Variants in PCCA observed in about 807,000 individuals in gnomAD.
The protein encoded by PCCA is propionyl-CoA carboxylase alpha chain, mitochondrial.
Under a neutral mutation model 101.3 loss-of-function variants are expected in PCCA, and 74 were observed. The observed-to-expected ratio is 0.73, with a 90% CI of 0.61 to 0.89. PCCA has a LOEUF of 0.89. Among genes scored for constraint, PCCA ranks in the 40% least tolerant of loss-of-function variants. PCCA has a pLI of 0.00. For synonymous variants in PCCA, 294 were observed against 313.6 expected (o/e 0.94, Z 0.66); for missense variants, 891 against 907.0 (o/e 0.98, Z 0.23).
intron 21 of PCCA, among the ~76,000 whole-genome samples, chr13:100,466,976 G>A (rs985096890): frequency 1.3e-5 from 2 of 152,138 alleles, no homozygotes; most frequent in South Asian, 2.1e-4. Context: ...TAGGTTGGCC[G>A]GGGGACGATC....
intron 19 of PCCA, among the ~76,000 whole-genome samples, chr13:100,411,082 G>A (rs1380663046): frequency 2.0e-5 from 3 of 152,024 alleles, no homozygotes; most frequent in African/African-American, 4.8e-5. Context: ...AGGTATCAAT[G>A]TGAAGTCATT....
chr13:100,122,549 C>G (rs1250012614), intron 4 of PCCA, among the ~76,000 whole-genome samples: 4 of 152,118 alleles, frequency 2.6e-5, no homozygotes, highest in Non-Finnish European at 4.4e-5. Flanking sequence ...TAATCAGTGT[C>G]TGTAGTTTAT....
intron 21 of PCCA, among the ~76,000 whole-genome samples, chr13:100,492,732 C>T (rs1384127093): frequency 6.6e-6 from 1 of 150,600 alleles, no homozygotes; most frequent in African/African-American, 2.4e-5. Flanking sequence ...ACCCCAGGCT[C>T]CACAAGCAGA....
At chr13:100,341,509 G>A (rs138277216) in intron 18 of PCCA, among the ~76,000 whole-genome samples, 141 of 152,104 alleles carry the variant, frequency 9.3e-4, no homozygotes, top group African/African-American at 3.2e-3. Context: ...TACCGGAAAC[G>A]TGGCTACATT....
rs1394612377 is a variant in PCCA, at chr13:100,273,248, C to G, written c.967C>G (p.Leu323Val). 3.1e-6 allele frequency: 5 copies of G among 1,612,104 alleles called. No homozygotes were observed. The highest frequency in any genetic ancestry group is 3.4e-6 in the Non-Finnish European group (4 of 1,178,312). The change falls in exon 12 of 24, where the codon CTT (leucine) becomes GTT (valine). Residue 323 changes from leucine to valine, a missense_variant. Coordinates refer to ENST00000376285, the MANE Select transcript of PCCA (RefSeq NM_000282.4). ...AGCGATGGGAGAACAAGCTGTAGCT[C>G]TTGCCAGAGCAGTAAAATATTCCTC... is the stretch of plus-strand genomic sequence containing the variant. Reference protein sequence around the residue: ...RRAMGEQAVALARAVKYSSAG... With the variant: ...RRAMGEQAVAVARAVKYSSAG...
intron 21 of PCCA, among the ~76,000 whole-genome samples, chr13:100,485,060 A>G (rs2084268204): frequency 6.6e-6 from 1 of 152,006 alleles, no homozygotes; most frequent in Non-Finnish European, 1.5e-5. Context: ...TCTCTCTCAT[A>G]TGAAATGAGT....
intron 21 of PCCA, among the ~76,000 whole-genome samples, chr13:100,485,426 A>G (rs1376416430): frequency 6.6e-6 from 1 of 152,230 alleles, no homozygotes; most frequent in Non-Finnish European, 1.5e-5. Flanking sequence ...GCACAACCAT[A>G]TTATAACAGC....
At chr13:100,215,601 G>A (rs1161151123) in intron 7 of PCCA, among the ~76,000 whole-genome samples, 1 of 151,802 alleles carries the variant, frequency 6.6e-6, no homozygotes, top group Admixed American at 6.6e-5. Flanking sequence ...TATATCCTAC[G>A]CTCATCCTTC....
At position 100,371,209 on chromosome 13, in the gene PCCA, C is replaced by T. The variant is rs143049272; in HGVS notation, c.1746+2635C>T. On this transcript the variant is annotated intron_variant, in intron 19 of 23. Coordinates refer to ENST00000376285, the MANE Select transcript of PCCA (RefSeq NM_000282.4). ...GTATGTGTTGTTAAGACTTTTGGTACAGATGTATACACCACAATAATGGTA... is the reference window on the plus strand; with the variant it reads ...GTATGTGTTGTTAAGACTTTTGGTATAGATGTATACACCACAATAATGGTA... Among the ~76,000 whole-genome samples the T allele has an allele frequency of 9.2e-5, 14 of 152,182 alleles. No individual in the cohort carries two copies. In the East Asian group the frequency reaches 2.7e-3, roughly 29 times the overall value.
At chr13:100,403,974 C>T (rs569541709) in intron 19 of PCCA, among the ~76,000 whole-genome samples, 7 of 152,228 alleles carry the variant, frequency 4.6e-5, no homozygotes, top group Non-Finnish European at 7.4e-5. Context: ...CATTAGAATA[C>T]GGATAAGGAC....
chr13:100,273,290 T>A lies in PCCA; in HGVS notation c.1009T>A (p.Phe337Ile), dbSNP rs995531353. The change falls in exon 12 of 24, where the codon TTC (phenylalanine) becomes ATC (isoleucine). Residue 337 changes from phenylalanine to isoleucine, a missense_variant. Phe to Ile is a conservative substitution (Grantham distance 21, BLOSUM62 0). Coordinates refer to ENST00000376285, the MANE Select transcript of PCCA (RefSeq NM_000282.4). ...ATATTCCTCTGCTGGGACCGTGGAG[T>A]TCCTTGTGGACTCTAAGAAGAATTT... is the stretch of plus-strand genomic sequence containing the variant. ...VKYSSAGTVE[F>I]LVDSKKNFYF... 2.5e-6 allele frequency: 4 copies of A among 1,612,388 alleles called. No homozygotes were observed. The highest frequency in any genetic ancestry group is 1.3e-5 in the African/African-American group (1 of 74,876).
At chr13:100,161,744 TG>T (rs2054501652) in intron 6 of PCCA, 1 of 152,192 alleles carries the variant, frequency 6.6e-6, no homozygotes. Context: ...TTTCACTATA[TG>T]GGCTATAATC....
chr13:100,516,623 G>A (rs2086842410), intron 22 of PCCA, among the ~76,000 whole-genome samples: 1 of 152,184 alleles, frequency 6.6e-6, no homozygotes, highest in Admixed American at 6.5e-5. Flanking sequence ...GAGGCTACGT[G>A]GCTGTGAATT....
intron 8 of PCCA, among the ~76,000 whole-genome samples, chr13:100,248,113 G>A (rs1314563435): frequency 2.0e-5 from 3 of 152,042 alleles, no homozygotes; most frequent in African/African-American, 7.2e-5. Context: ...ATTTGGACTG[G>A]ATTTTTATTT....
intron 19 of PCCA, among the ~76,000 whole-genome samples, chr13:100,379,552 G>A (rs538639086): frequency 9.9e-4 from 151 of 152,282 alleles, no homozygotes; most frequent in South Asian, 5.0e-3. Flanking sequence ...CTGTTCTCAC[G>A]CTGCTAATGA....
chr13:100,485,323 C>T (rs2084287425), intron 21 of PCCA, among the ~76,000 whole-genome samples: 1 of 152,216 alleles, frequency 6.6e-6, no homozygotes, highest in Non-Finnish European at 1.5e-5. Context: ...TTGCCTAGAA[C>T]CACTTAGCTG....
At position 100,234,474 on chromosome 13, in the gene PCCA, TAA is replaced by T. The variant is rs35693167; in HGVS notation, c.601-1354_601-1353del. On this transcript the variant is annotated intron_variant, in intron 7 of 23. Coordinates refer to ENST00000376285, the MANE Select transcript of PCCA (RefSeq NM_000282.4). ...CATTAGCAGATGTGACTGCTTGGAG[TAA>T]AAAAAAAAAAAAACAACTTAAAACT... Among the ~76,000 whole-genome samples the T allele has an allele frequency of 6.5e-4, 89 of 136,468 alleles. 1 individual carries two copies. The highest frequency in any genetic ancestry group is 1.6e-3 in the Admixed American group (22 of 13,630). The allele number at this position is 136,468 out of a possible 152,430, so 89.5% of individuals were successfully genotyped here.
intron 7 of PCCA, among the ~76,000 whole-genome samples, chr13:100,226,371 G>A (rs2060141893): frequency 6.6e-6 from 1 of 152,114 alleles, no homozygotes; most frequent in African/African-American, 2.4e-5. Flanking sequence ...TCATATGAAT[G>A]GGTAGCAGGA....
chr13:100,491,622 C>T (rs752891928), intron 21 of PCCA: 32 of 1,297,474 alleles, frequency 2.5e-5, no homozygotes, highest in African/African-American at 7.6e-5. Context: ...ATGGCCAAAG[C>T]GGTGCACTCT....
Sources: allele counts gnomAD v4.1 joint callset (sites outside exome capture counted in the v4.1 genomes callset), GRCh38; gene constraint gnomAD v4.1.1; transcripts MANE v1.5; gene names NCBI Gene and HGNC (gene_info 2026-07-23, HGNC 2026-07-21).